Variants in MIER2 observed in about 807,000 individuals in gnomAD.
The protein encoded by MIER2 is MIER family member 2.
In MIER2, 30 loss-of-function variants were observed where a neutral mutation model predicts 67.6. The observed-to-expected ratio is 0.44, with a 90% CI of 0.33 to 0.60. The LOEUF (loss-of-function observed/expected upper bound fraction) is 0.60, where lower values mean the gene tolerates loss of function less well. MIER2 is among the 20% of genes least tolerant of loss of function. The pLI is 0.02. For missense variants in MIER2, 702 were observed against 745.1 expected, an observed-to-expected ratio of 0.94 and a Z score of 0.67; for synonymous variants, 372 against 312.6, an observed-to-expected ratio of 1.19 and a Z score of -2.00.
At chr19:342,477 T>A (rs1972551379) in intron 1 of MIER2, among the ~76,000 whole-genome samples, 1 of 151,726 alleles carries the variant, frequency 6.6e-6, no homozygotes, top group African/African-American at 2.4e-5. Context: ...AGGGGGCAGA[T>A]CCGTGGGGAC....
chr19:313,383 C>G, intron 8 of MIER2, 109 bp downstream of exon 8: 1 of 1,512,664 alleles, frequency 6.6e-7, no homozygotes, highest in East Asian at 2.3e-5. Context: ...CACACCTGAC[C>G]CCTGCCCTCC....
At chr19:323,227 C>T (rs556957446) in intron 7 of MIER2, among the ~76,000 whole-genome samples, 1 of 132,918 alleles carries the variant, frequency 7.5e-6, no homozygotes, top group South Asian at 2.3e-4. Context: ...GCAGACAACT[C>T]GAATGATACA....
At chr19:326,345 C>G (rs1458080932) in intron 6 of MIER2, among the ~76,000 whole-genome samples, 162 bp downstream of exon 6, 6 of 107,788 alleles carry the variant, frequency 5.6e-5, no homozygotes, top group East Asian at 2.5e-4. Context: ...AGGTTGGGGA[C>G]ACGGCAGAGC....
At chr19:315,458 C>T (rs897606700) in intron 7 of MIER2, among the ~76,000 whole-genome samples, 1 of 152,188 alleles carries the variant, frequency 6.6e-6, no homozygotes, top group Non-Finnish European at 1.5e-5. Context: ...TTCAATCTAA[C>T]GAGGATTAAT....
At chr19:336,051 G>A (rs1568236974) in intron 2 of MIER2, 32 bp downstream of exon 2, 2 of 1,603,834 alleles carry the variant, frequency 1.2e-6, no homozygotes, top group African/African-American at 1.3e-5. Context: ...GGCCTTGGCG[G>A]ACCTGAGCAG....
chr19:317,264 G>T (rs1243495711), intron 7 of MIER2, among the ~76,000 whole-genome samples: 29 of 149,304 alleles, frequency 1.9e-4, no homozygotes, highest in Admixed American at 6.6e-4. Context: ...GCGGTGGCGG[G>T]CACCTGTAAT....
At chr19:317,678 T>C (rs1433968827) in intron 7 of MIER2, among the ~76,000 whole-genome samples, 2 of 134,962 alleles carry the variant, frequency 1.5e-5, no homozygotes, top group Non-Finnish European at 3.1e-5. Flanking sequence ...TGCCGTGAAG[T>C]AAGATCGCAT....
chr19:309,673 C>T, intron 10 of MIER2, among the ~76,000 whole-genome samples: 1 of 111,462 alleles, frequency 9.0e-6, no homozygotes, highest in African/African-American at 4.4e-5. Flanking sequence ...CACACACACA[C>T]ACACACAAGG....
Position 313,639 on chromosome 19 carries a change from G to A in MIER2, c.660C>T (p.Tyr220=), listed in dbSNP as rs769195262. ...CCCAGAGCAGCTGGTCTTCGTTCTC[G>A]TAGACTGCACAAGCAGAGGGCAAAG... ...LHLNRHCEKI[Y]ENEDQLLWDP... is the part of the protein sequence containing the mutation. Residue 220 remains tyrosine, a synonymous_variant, in exon 8 of 14, where the codon TAC becomes TAT. Coordinates refer to ENST00000264819, the MANE Select transcript of MIER2 (RefSeq NM_017550.3). 16 of 1,610,688 alleles carry A rather than the reference G, an allele frequency of 9.9e-6. No homozygotes were observed. The highest frequency in any genetic ancestry group is 6.7e-5 in the Admixed American group (4 of 59,980).
intron 1 of MIER2, among the ~76,000 whole-genome samples, chr19:341,073 T>C (rs1972479018): frequency 1.3e-5 from 2 of 152,140 alleles, no homozygotes; most frequent in African/African-American, 4.8e-5. Flanking sequence ...CCACACGCGG[T>C]GTGAAGCCAC....
At chr19:330,264 A>C (rs1226460100) in intron 3 of MIER2, 1 of 151,990 alleles carries the variant, frequency 6.6e-6, no homozygotes, top group Non-Finnish European at 1.5e-5. Context: ...AAAAACTTAC[A>C]GGCCAGGCAC....
intron 1 of MIER2, among the ~76,000 whole-genome samples, chr19:343,589 G>A (rs1972600159): frequency 6.6e-6 from 1 of 152,212 alleles, no homozygotes; most frequent in Non-Finnish European, 1.5e-5. Flanking sequence ...CAACGCCCAA[G>A]ACATAAACAC....
chr19:330,896 C>G (rs1971993569), intron 3 of MIER2, among the ~76,000 whole-genome samples: 1 of 152,218 alleles, frequency 6.6e-6, no homozygotes, highest in Non-Finnish European at 1.5e-5. Flanking sequence ...TCCACAACTA[C>G]TCTCTACAAA....
chr19:328,656 G>A (rs114461588), intron 3 of MIER2, among the ~76,000 whole-genome samples: 1,857 of 152,222 alleles, frequency 0.012, 49 homozygotes, highest in African/African-American at 0.041. Flanking sequence ...GCTGAAGCAC[G>A]AGAATCACTT....
intron 1 of MIER2, 127 bp downstream of exon 1, chr19:344,647 C>G (rs1030488936): frequency 1.7e-6 from 1 of 592,284 alleles, no homozygotes; most frequent in Non-Finnish European, 2.2e-6. Context: ...GCCAGGCGCC[C>G]CGGCCGGCCT....
Position 310,030 on chromosome 19 carries a change from G to A in MIER2, c.985-1105C>T, listed in dbSNP as rs550059273. Among the ~76,000 whole-genome samples the A allele has an allele frequency of 6.2e-5, 9 of 146,274 alleles. No individual in the cohort carries two copies. The East Asian group carries it at 1.6e-3, about 26-fold the overall frequency. On this transcript the variant is annotated intron_variant, in intron 10 of 13. Transcript: ENST00000264819. The stretch of plus-strand genomic sequence containing the variant: ...CACGCACACAAGGCTTCAGGGAGAC[G>A]AGAAGGGACACACACACACACGCAC...
chr19:344,756 C>T lies in MIER2; in HGVS notation c.9+18G>A, dbSNP rs1972672149. On this transcript the variant is annotated intron_variant, in intron 1 of 13. Transcript: ENST00000264819. ...CGCGCGGGGGCGGGGGGCCGGCTCC[C>T]CCGGCCCGCTCACTCACCTCCGCCA... The T allele has an allele frequency of 3.4e-6, 4 of 1,178,462 alleles. No individual in the cohort carries two copies. The highest frequency in any genetic ancestry group is 1.6e-5 in the African/African-American group (1 of 62,128). 73.0% of individuals were successfully genotyped at this position (1,178,462 alleles called of 1,614,324 possible).
chr19:326,851 GC>G (rs1442577778), intron 5 of MIER2: 4 of 582,358 alleles, frequency 6.9e-6, no homozygotes, highest in African/African-American at 5.6e-5. Context: ...CAGCACAGAG[GC>G]TTGTGAAGGA....
intron 13 of MIER2, 120 bp from the exon 14 acceptor site, chr19:306,831 C>G: frequency 1.3e-6 from 2 of 1,486,638 alleles, no homozygotes; most frequent in South Asian, 2.5e-5. Flanking sequence ...CAGCCTATGG[C>G]AGCCGGGCCC....
Sources: allele counts gnomAD v4.1 joint callset (sites outside exome capture counted in the v4.1 genomes callset), GRCh38; gene constraint gnomAD v4.1.1; transcripts MANE v1.5; gene names NCBI Gene and HGNC (gene_info 2026-07-23, HGNC 2026-07-21).